Variants in COL24A1 observed in about 807,000 individuals in gnomAD.
The protein encoded by COL24A1 is collagen type XXIV alpha 1 chain.
COL24A1 carries 224 observed loss-of-function variants against 253.9 expected under a neutral mutation model. That is an observed-to-expected ratio of 0.88 (90% CI 0.79 to 0.99). The LOEUF is 0.99. Among genes scored for constraint, COL24A1 ranks in the 50% least tolerant of loss-of-function variants. The pLI is 0.00. For synonymous variants in COL24A1, 685 were observed against 673.7 expected (o/e 1.02, Z -0.26); for missense variants, 2,131 against 2,068.5 (o/e 1.03, Z -0.59).
intron 25 of COL24A1, among the ~76,000 whole-genome samples, chr1:85,910,727 A>T (rs926322188): frequency 6.6e-6 from 1 of 152,010 alleles, no homozygotes; most frequent in African/African-American, 2.4e-5. Flanking sequence ...AGAGATATTT[A>T]AAAAACTAAA....
At chr1:85,826,551 C>T (rs1283373374) in intron 43 of COL24A1, among the ~76,000 whole-genome samples, 7 of 145,670 alleles carry the variant, frequency 4.8e-5, no homozygotes, top group African/African-American at 1.8e-4. Context: ...TTCTTCCTAC[C>T]CATGAGCATG....
chr1:85,988,752 T>G (rs1693960781), intron 19 of COL24A1, among the ~76,000 whole-genome samples: 1 of 152,110 alleles, frequency 6.6e-6, no homozygotes. Flanking sequence ...TCTGGGATAT[T>G]CATTCTGGAA....
intron 10 of COL24A1, among the ~76,000 whole-genome samples, chr1:86,052,130 G>GA (rs929753496): frequency 2.6e-5 from 4 of 152,158 alleles, no homozygotes; most frequent in South Asian, 2.1e-4. Context: ...AAGTTTAAAA[G>GA]AAATTGAAGT....
intron 23 of COL24A1, among the ~76,000 whole-genome samples, chr1:85,962,944 TCAAAGACTTTCTA>T (rs1442429057): frequency 1.3e-5 from 2 of 152,094 alleles, no homozygotes; most frequent in Non-Finnish European, 2.9e-5. Flanking sequence ...ACATCAGACT[TCAAAGACTTTCTA>T]CAAAACAAGA....
intron 4 of COL24A1, among the ~76,000 whole-genome samples, chr1:86,113,511 C>A (rs1009401649): frequency 3.3e-5 from 5 of 152,060 alleles, no homozygotes; most frequent in African/African-American, 9.7e-5. Context: ...ATTGAAAATG[C>A]ATCTAGCAAG....
chr1:86,107,380 T>C (rs1351060421), intron 5 of COL24A1, among the ~76,000 whole-genome samples: 3 of 152,192 alleles, frequency 2.0e-5, no homozygotes, highest in African/African-American at 7.2e-5. Context: ...AAGAGGATTA[T>C]ACAGTATAAA....
intron 20 of COL24A1, among the ~76,000 whole-genome samples, chr1:85,985,288 G>A (rs1693625845): frequency 6.6e-6 from 1 of 151,796 alleles, no homozygotes; most frequent in African/African-American, 2.4e-5. Flanking sequence ...AATATGGCAT[G>A]TAAGAAGCTG....
At chr1:86,121,552 A>T (rs1647353434) in intron 3 of COL24A1, among the ~76,000 whole-genome samples, 1 of 152,076 alleles carries the variant, frequency 6.6e-6, no homozygotes, top group East Asian at 1.9e-4. Context: ...AAAAAATATG[A>T]AAGAGCAAAA....
At chr1:86,152,949 G>C (rs1050870883) in intron 1 of COL24A1, among the ~76,000 whole-genome samples, 1 of 152,072 alleles carries the variant, frequency 6.6e-6, no homozygotes, top group Non-Finnish European at 1.5e-5. Context: ...CCCAACCTCT[G>C]CTTGTTAAAC....
chr1:85,965,073 A>G lies in COL24A1; in HGVS notation c.2464-11T>C. On this transcript the variant is annotated splice_polypyrimidine_tract_variant and intron_variant, in intron 22 of 59. Transcript: ENST00000370571. The stretch of plus-strand genomic sequence containing the variant: ...TTGACCTGGTTTTCCCTAGAAGAGA[A>G]CAGCATAAAAGAAGAAAGTATATAT... The G allele has an allele frequency of 2.5e-6, 4 of 1,602,548 alleles. No individual in the cohort carries two copies. The highest frequency in any genetic ancestry group is 3.4e-6 in the Non-Finnish European group (4 of 1,173,974).
chr1:85,965,122 A>G, intron 22 of COL24A1, 60 bp from the exon 23 acceptor site: 1 of 1,329,194 alleles, frequency 7.5e-7, no homozygotes, highest in Non-Finnish European at 1.0e-6. Context: ...CATTTTTGAA[A>G]GTTTCCTAAG....
intron 2 of COL24A1, among the ~76,000 whole-genome samples, chr1:86,130,998 A>AT (rs1649088887): frequency 6.6e-6 from 1 of 151,930 alleles, no homozygotes; most frequent in Admixed American, 6.6e-5. Flanking sequence ...TTCAGAATTG[A>AT]TTTTTTGTAG....
Position 85,823,559 on chromosome 1 carries a change from G to C in COL24A1, c.3766C>G (p.Leu1256Val). The change falls in exon 45 of 60, where the codon CTA becomes GTA. Residue 1256 changes from leucine (L) to valine (V), a missense_variant. By Grantham distance (32) the Leu-to-Val change is conservative. Coordinates refer to ENST00000370571, the MANE Select transcript of COL24A1 (RefSeq NM_152890.7). ...GEPGDQGEQG[L>V]KGERGSEGNK... The stretch of plus-strand genomic sequence containing the variant: ...ACTTCAGATCCTCTCTCTCCTTTTA[G>C]TCCTTGTTCACCCTGGTCACCTGGT... 2 of 1,613,832 alleles carry C rather than the reference G, an allele frequency of 1.2e-6. No homozygotes were observed. The highest frequency in any genetic ancestry group is 1.7e-6 in the Non-Finnish European group (2 of 1,179,930).
chr1:86,027,439 C>T (rs987502695), intron 14 of COL24A1, among the ~76,000 whole-genome samples: 1 of 152,144 alleles, frequency 6.6e-6, no homozygotes, highest in East Asian at 1.9e-4. Context: ...GGACTTGGTG[C>T]CCTGAATCCC....
chr1:85,947,529 T>A (rs17128505), intron 24 of COL24A1, among the ~76,000 whole-genome samples: 9,150 of 152,292 alleles, frequency 0.06, 587 homozygotes, highest in Admixed American at 0.2. Flanking sequence ...CATGTTGGAC[T>A]TCTCCTGTAA....
chr1:85,913,632 G>A (rs114031885), intron 24 of COL24A1, among the ~76,000 whole-genome samples: 1,800 of 152,290 alleles, frequency 0.012, 14 homozygotes, highest in Non-Finnish European at 0.019. Context: ...GCCAAAGAAG[G>A]GAGTTACTGT....
intron 3 of COL24A1, among the ~76,000 whole-genome samples, chr1:86,120,679 C>T (rs1036796497): frequency 6.6e-6 from 1 of 152,118 alleles, no homozygotes; most frequent in Non-Finnish European, 1.5e-5. Flanking sequence ...TAGGAATGCT[C>T]TTACACTGTT....
chr1:86,114,335 A>T (rs1355655863), intron 4 of COL24A1, among the ~76,000 whole-genome samples: 1 of 152,218 alleles, frequency 6.6e-6, no homozygotes. Context: ...ATGAGAACAG[A>T]TGGAGATTCT....
intron 53 of COL24A1, among the ~76,000 whole-genome samples, chr1:85,767,550 GGAAAA>G (rs1667511758): frequency 6.6e-6 from 1 of 151,904 alleles, no homozygotes; most frequent in African/African-American, 2.4e-5. Flanking sequence ...TGGAATCAAA[GGAAAA>G]GAAGTGATTA....
Sources: gnomAD v4.1 joint callset for allele counts (sites outside exome capture counted in the v4.1 genomes callset) on GRCh38, gnomAD v4.1.1 for gene constraint, MANE v1.5 for transcripts, NCBI Gene and HGNC (gene_info 2026-07-23, HGNC 2026-07-21) for gene names.